ANKRD28: variants seen among roughly 807,000 people sequenced by gnomAD.
ANKRD28 encodes the protein serine/threonine-protein phosphatase 6 regulatory ankyrin repeat subunit A.
Under a neutral mutation model 126.5 loss-of-function variants are expected in ANKRD28, and 44 were observed. The observed-to-expected ratio is 0.35, with a 90% CI of 0.27 to 0.45. The LOEUF (loss-of-function observed/expected upper bound fraction) is 0.45. Ranked by LOEUF, ANKRD28 falls within the 20% of genes least tolerant of loss-of-function variation. The probability of loss-of-function intolerance (pLI) is 1.00; values close to 1 mark genes in which losing one functional copy is unlikely to be tolerated. For synonymous variants in ANKRD28, 442 were observed against 468.5 expected (o/e 0.94, Z 0.73); for missense variants, 1,110 against 1,316.6 (o/e 0.84, Z 2.43).
At chr3:15,837,310 C>T (rs1252836372) in intron 1 of ANKRD28, among the ~76,000 whole-genome samples, 1 of 152,144 alleles carries the variant, frequency 6.6e-6, no homozygotes, top group Non-Finnish European at 1.5e-5. Flanking sequence ...ACCTAACTGA[C>T]ATCTATAGAA....
intron 1 of ANKRD28, chr3:15,859,321 C>A (rs1035027036): frequency 6.6e-7 from 1 of 1,515,110 alleles, no homozygotes; most frequent in Non-Finnish European, 8.8e-7. Flanking sequence ...CGCCGGTCCG[C>A]CCTGCTTCCC....
At position 15,767,097 on chromosome 3, in the gene ANKRD28, T is replaced by C. The variant is rs374572066; in HGVS notation, c.202-785A>G. On this transcript the variant is annotated intron_variant, in intron 2 of 27. Transcript: ENST00000683139. ...CTTTCATCTCCAAAATATATTCATG[T>C]CTGTTTCAATATAAAAAATACATAC... Among the ~76,000 whole-genome samples, 135 of 152,326 alleles carry C rather than the reference T, an allele frequency of 8.9e-4. 1 individual carries two copies. In the South Asian group the frequency reaches 0.023, roughly 26 times the overall value.
intron 27 of ANKRD28, among the ~76,000 whole-genome samples, chr3:15,674,174 CAAAAAAAAAA>C (rs34806568): frequency 0.014 from 558 of 40,286 alleles, 17 homozygotes; most frequent in Middle Eastern, 0.1. Flanking sequence ...CCTGCCTCTT[CAAAAAAAAAA>C]AAAAAAAAAA....
intron 1 of ANKRD28, among the ~76,000 whole-genome samples, chr3:15,826,241 TA>T (rs1263522652): frequency 2.6e-5 from 4 of 152,192 alleles, no homozygotes; most frequent in Admixed American, 6.5e-5. Flanking sequence ...CAGCAACTAT[TA>T]TTTTTATTTG....
intron 4 of ANKRD28, among the ~76,000 whole-genome samples, chr3:15,742,769 G>A (rs779829171): frequency 0.016 from 1,997 of 127,756 alleles, 30 homozygotes; most frequent in Non-Finnish European, 0.025. Flanking sequence ...TCAGCCCCCC[G>A]CCCGGCCAGC....
intron 1 of ANKRD28, among the ~76,000 whole-genome samples, chr3:15,811,367 GA>G (rs1368901690): frequency 6.6e-6 from 1 of 152,148 alleles, no homozygotes; most frequent in African/African-American, 2.4e-5. Context: ...AGCAGAATTT[GA>G]AAATAGTATT....
chr3:15,724,128 G>A (rs1382168255), intron 7 of ANKRD28, among the ~76,000 whole-genome samples: 1 of 152,144 alleles, frequency 6.6e-6, no homozygotes, highest in Non-Finnish European at 1.5e-5. Flanking sequence ...TACAGGGCCT[G>A]GAACGTGATA....
At chr3:15,715,943 T>C (rs138654058) in intron 8 of ANKRD28, among the ~76,000 whole-genome samples, 42 of 152,124 alleles carry the variant, frequency 2.8e-4, no homozygotes, top group African/African-American at 9.4e-4. Flanking sequence ...CCAGATAGGA[T>C]ATATCCTAAT....
At chr3:15,735,924 A>G (rs1336898105) in intron 5 of ANKRD28, among the ~76,000 whole-genome samples, 1 of 152,236 alleles carries the variant, frequency 6.6e-6, no homozygotes, top group East Asian at 1.9e-4. Flanking sequence ...CAGTCACTGC[A>G]TAGTCTGCTT....
intron 21 of ANKRD28, among the ~76,000 whole-genome samples, 189 bp from the exon 22 acceptor site, chr3:15,679,752 T>C (rs2067326129): frequency 6.6e-6 from 1 of 152,274 alleles, no homozygotes; most frequent in East Asian, 1.9e-4. Context: ...TCTAGGCATA[T>C]ACAACTGCAC....
chr3:15,736,369 T>C (rs1392096899), intron 5 of ANKRD28, among the ~76,000 whole-genome samples: 1 of 152,200 alleles, frequency 6.6e-6, no homozygotes, highest in African/African-American at 2.4e-5. Context: ...CAGGAACATA[T>C]CCTCTGTAGA....
intron 1 of ANKRD28, among the ~76,000 whole-genome samples, chr3:15,827,881 C>T (rs750397664): frequency 6.6e-6 from 1 of 152,064 alleles, no homozygotes; most frequent in East Asian, 1.9e-4. Context: ...AGAAATCCTA[C>T]AATTAAACAA....
At chr3:15,706,422 TC>T (rs2071409366) in intron 14 of ANKRD28, among the ~76,000 whole-genome samples, 1 of 149,726 alleles carries the variant, frequency 6.7e-6, no homozygotes, top group Non-Finnish European at 1.5e-5. Context: ...CATAAACTCC[TC>T]CTTTTTTATG....
chr3:15,681,809 T>C (rs1290396438), intron 21 of ANKRD28, among the ~76,000 whole-genome samples: 1 of 152,178 alleles, frequency 6.6e-6, no homozygotes, highest in African/African-American at 2.4e-5. Context: ...TTATCACAAC[T>C]GAAGGTGGGG....
In ANKRD28 at chr3:15,668,985, CTTTA is replaced by C. The variant is rs2066130807; in HGVS notation, c.*1281_*1284del. 6.6e-6 allele frequency: 1 copy of C among 152,612 alleles called. No homozygotes were observed. The allele number at this position is 152,612 out of a possible 1,614,324, so 9.5% of individuals were successfully genotyped here. A position where few individuals can be genotyped will look rare whatever the true frequency, so the allele number is the denominator to read the frequency against. Reference sequence around the variant, plus strand: ...ACAGTAAAAGCAGAACCACACAAATCTTTATTTAAAAGCCGAAATATCAGCCTTC... The same window carrying C: ...ACAGTAAAAGCAGAACCACACAAATCTTTAAAAGCCGAAATATCAGCCTTC... On this transcript the variant is annotated 3_prime_UTR_variant, in exon 28 of 28. Transcript: ENST00000683139.
intron 6 of ANKRD28, among the ~76,000 whole-genome samples, chr3:15,726,917 C>T (rs1271162743): frequency 6.6e-6 from 1 of 152,190 alleles, no homozygotes; most frequent in African/African-American, 2.4e-5. Flanking sequence ...ATCCACTTTG[C>T]CTATGCTCTA....
intron 2 of ANKRD28, among the ~76,000 whole-genome samples, chr3:15,770,568 G>GT (rs1332467545): frequency 1.2e-4 from 19 of 152,116 alleles, no homozygotes; most frequent in African/African-American, 3.9e-4. Flanking sequence ...TGGCTAGGTC[G>GT]TAAGAACAAT....
rs1421260727 is a variant in ANKRD28 at position 15,833,767 on chromosome 3, A to G, written c.27+25610T>C. ...AATGACCTTGAGCAGTAGGATATAA[A>G]TAACTCCCACATGCTTAGTGTTCCA... On this transcript the variant is annotated intron_variant, in intron 1 of 27. Coordinates refer to the ANKRD28 transcript ENST00000399451. The surrounding 1 kb of genome is among the most constrained non-coding windows in gnomAD (Gnocchi z 4.4). Among the ~76,000 whole-genome samples the G allele has an allele frequency of 2.6e-5, 4 of 152,024 alleles. No individual in the cohort carries two copies. The highest frequency in any genetic ancestry group is 9.7e-5 in the African/African-American group (4 of 41,416).
rs2061511140 is a variant in ANKRD28, at chr3:15,845,484, C to T, written c.27+13893G>A. ...GACATCTCTATTTCAATCATTCAGG[C>T]ACTTACAGACATGCTAGTTTCTAAC... On this transcript the variant is annotated intron_variant, in intron 1 of 27. Transcript: ENST00000399451. This position sits in a 1 kb window ranked among gnomAD's most constrained non-coding sequence, Gnocchi z 4.9. Among the ~76,000 whole-genome samples, 3 of 152,204 alleles carry T rather than the reference C, an allele frequency of 2.0e-5. No individual in the cohort carries two copies. The highest frequency in any genetic ancestry group is 6.5e-5 in the Admixed American group (1 of 15,274).
Sources: allele counts gnomAD v4.1 joint callset (sites outside exome capture counted in the v4.1 genomes callset), GRCh38; gene constraint gnomAD v4.1.1; non-coding constraint Gnocchi (gnomAD v3.1); transcripts MANE v1.5; gene names NCBI Gene and HGNC (gene_info 2026-07-23, HGNC 2026-07-21).